Variants in SLC22A4 observed in about 807,000 individuals in gnomAD.
SLC22A4 encodes the protein ET transporter.
In SLC22A4, 39 loss-of-function variants were observed where a neutral mutation model predicts 56.6. That is an observed-to-expected ratio of 0.69 (90% CI 0.53 to 0.90). The LOEUF (loss-of-function observed/expected upper bound fraction) is 0.90, where lower values mean the gene tolerates loss of function less well. Among genes scored for constraint, SLC22A4 ranks in the 40% least tolerant of loss-of-function variants. The pLI is 0.00. For synonymous variants in SLC22A4, 241 were observed against 281.4 expected (o/e 0.86, Z 1.44); for missense variants, 594 against 696.5 (o/e 0.85, Z 1.66).
At chr5:132,329,473 C>CT (rs4646198) in intron 5 of SLC22A4, among the ~76,000 whole-genome samples, 232 of 145,338 alleles carry the variant, frequency 1.6e-3, no homozygotes, top group East Asian at 7.7e-3. Flanking sequence ...ATTGCTCATG[C>CT]TTTTTTTTTT....
intron 1 of SLC22A4, among the ~76,000 whole-genome samples, chr5:132,300,714 T>C (rs1749888285): frequency 6.6e-6 from 1 of 152,248 alleles, no homozygotes; most frequent in Non-Finnish European, 1.5e-5. Context: ...TAAGGGCCTT[T>C]ATCTGTCTCT....
At chr5:132,318,876 T>TC (rs1750440447) in intron 3 of SLC22A4, among the ~76,000 whole-genome samples, 1 of 151,608 alleles carries the variant, frequency 6.6e-6, no homozygotes, top group Non-Finnish European at 1.5e-5. Context: ...AGGACAGGGA[T>TC]CCCCCGTCAG....
rs893259824 is a variant in SLC22A4, at chr5:132,294,541, G to T, written c.-76G>T. ...GAACGTTCTAACATCCTTGGGGAGC[G>T]CCCCAGCTACAAGACACTGTCCTGA... On this transcript the variant is annotated 5_prime_UTR_variant, in exon 1 of 10. Transcript: ENST00000200652. This position sits in a 1 kb window ranked among gnomAD's most constrained non-coding sequence, Gnocchi z 5.6. 227 of 1,602,468 alleles carry T rather than the reference G, an allele frequency of 1.4e-4. No individual in the cohort carries two copies. The highest frequency in any genetic ancestry group is 1.7e-4 in the Non-Finnish European group (204 of 1,172,714).
chr5:132,311,971 C>T, intron 1 of SLC22A4, 190 bp from the exon 2 acceptor site: 1 of 655,092 alleles, frequency 1.5e-6, no homozygotes, highest in Non-Finnish European at 2.8e-6. Context: ...CCCCAGGTTA[C>T]TCTCCCCAGT....
intron 4 of SLC22A4, among the ~76,000 whole-genome samples, chr5:132,324,976 C>G (rs1158136052): frequency 6.6e-6 from 1 of 152,092 alleles, no homozygotes; most frequent in Non-Finnish European, 1.5e-5. Context: ...GTTTGGGGGA[C>G]TTTTTATGTC....
intron 5 of SLC22A4, among the ~76,000 whole-genome samples, chr5:132,329,179 A>G (rs1223143467): frequency 1.3e-5 from 2 of 151,984 alleles, no homozygotes; most frequent in African/African-American, 4.8e-5. Context: ...GGCTCAAGCA[A>G]TCCTCCTACC....
At chr5:132,306,020 A>C (rs1750019780) in intron 1 of SLC22A4, among the ~76,000 whole-genome samples, 1 of 152,124 alleles carries the variant, frequency 6.6e-6, no homozygotes, top group African/African-American at 2.4e-5. Flanking sequence ...TGCAATCAAA[A>C]CCACAATGAG....
chr5:132,294,646 C>T lies in SLC22A4; in HGVS notation c.30C>T (p.Phe10=). ...GGGACTACGACGAGGTGATCGCCTT[C>T]CTGGGCGAGTGGGGGCCCTTCCAGC... The part of the protein sequence containing the change: MRDYDEVIA[F]LGEWGPFQRL... The change falls in exon 1 of 10, where the codon TTC becomes TTT. Residue 10 remains phenylalanine (F), a synonymous_variant. Transcript: ENST00000200652. This position sits in a 1 kb window ranked among gnomAD's most constrained non-coding sequence, Gnocchi z 5.6. 1 of 1,614,204 alleles carries T rather than the reference C, an allele frequency of 6.2e-7. No individual in the cohort carries two copies. Among genetic ancestry groups the T allele is most frequent in the Non-Finnish European group, 8.5e-7 (1 of 1,180,046 alleles).
chr5:132,305,271 G>C (rs1049204280), intron 1 of SLC22A4, among the ~76,000 whole-genome samples: 1 of 152,130 alleles, frequency 6.6e-6, no homozygotes, highest in African/African-American at 2.4e-5. Flanking sequence ...AAAATGTATA[G>C]AGTCTCAGAG....
intron 3 of SLC22A4, among the ~76,000 whole-genome samples, chr5:132,318,739 G>A (rs1750436419): frequency 6.6e-6 from 1 of 152,114 alleles, no homozygotes. Flanking sequence ...GCCAGGTCAT[G>A]TCCCTTTGGC....
chr5:132,331,873 A>ATC, intron 6 of SLC22A4, 23 bp downstream of exon 6: 1 of 1,423,582 alleles, frequency 7.0e-7, no homozygotes, highest in Non-Finnish European at 9.9e-7. Flanking sequence ...TGACCTGGAA[A>ATC]TGCAGATATC....
At chr5:132,309,718 A>G (rs974247886) in intron 1 of SLC22A4, among the ~76,000 whole-genome samples, 6 of 152,266 alleles carry the variant, frequency 3.9e-5, no homozygotes, top group Admixed American at 6.5e-5. Flanking sequence ...GAAATTCTTA[A>G]TAATTTTTGA....
intron 1 of SLC22A4, among the ~76,000 whole-genome samples, chr5:132,307,976 C>A (rs1750080923): frequency 6.6e-6 from 1 of 152,328 alleles, no homozygotes; most frequent in South Asian, 2.1e-4. Context: ...CCACATTTTC[C>A]AGGCTGATTT....
chr5:132,325,602 G>A (rs1750666186), intron 4 of SLC22A4, among the ~76,000 whole-genome samples: 1 of 152,132 alleles, frequency 6.6e-6, no homozygotes. Context: ...TCCTAGTGTG[G>A]GTTTGGGGCC....
At chr5:132,300,349 C>A (rs1188677460) in intron 1 of SLC22A4, among the ~76,000 whole-genome samples, 2 of 152,188 alleles carry the variant, frequency 1.3e-5, no homozygotes, top group Non-Finnish European at 2.9e-5. Flanking sequence ...AAGGGAGGTT[C>A]TTCGAGATTA....
intron 1 of SLC22A4, among the ~76,000 whole-genome samples, chr5:132,309,154 C>T (rs889529362): frequency 1.3e-5 from 2 of 152,346 alleles, no homozygotes; most frequent in African/African-American, 4.8e-5. Flanking sequence ...TTCTAAAGGA[C>T]CCCTCTTAGG....
At chr5:132,328,721 A>G (rs962203404) in intron 5 of SLC22A4, among the ~76,000 whole-genome samples, 1 of 151,938 alleles carries the variant, frequency 6.6e-6, no homozygotes, top group Non-Finnish European at 1.5e-5. Flanking sequence ...GTAGGGATCT[A>G]CCTATGTGGA....
chr5:132,335,728 C>T, intron 7 of SLC22A4, 90 bp from the exon 8 acceptor site: 1 of 1,049,158 alleles, frequency 9.5e-7, no homozygotes, highest in Non-Finnish European at 1.5e-6. Context: ...AAAAGTACTC[C>T]CACTGAAGCA....
At chr5:132,295,940 G>A (rs1343058738) in intron 1 of SLC22A4, among the ~76,000 whole-genome samples, 1 of 152,234 alleles carries the variant, frequency 6.6e-6, no homozygotes, top group Non-Finnish European at 1.5e-5. Flanking sequence ...ATCAGACATT[G>A]TGTCTGGCCT....
Sources: gnomAD v4.1 joint callset for allele counts (sites outside exome capture counted in the v4.1 genomes callset) on GRCh38, gnomAD v4.1.1 for gene constraint, Gnocchi (gnomAD v3.1) non-coding constraint, MANE v1.5 for transcripts, NCBI Gene and HGNC (gene_info 2026-07-23, HGNC 2026-07-21) for gene names.